Variants in LRRC37A2 observed in about 807,000 individuals in gnomAD.
LRRC37A2 encodes the protein leucine rich repeat containing 37 member A2.
Under a neutral mutation model 68.8 loss-of-function variants are expected in LRRC37A2, and 9 were observed. That is an observed-to-expected ratio of 0.13 (90% confidence interval 0.08 to 0.23). The LOEUF (loss-of-function observed/expected upper bound fraction) is 0.23. LRRC37A2 is among the 10% of genes least tolerant of loss of function. LRRC37A2 has a pLI of 1.00. For synonymous variants in LRRC37A2, 63 were observed against 367.6 expected, an observed-to-expected ratio of 0.17 and a Z score of 9.48; for missense variants, 168 against 950.4, an observed-to-expected ratio of 0.18 and a Z score of 10.82.
chr17:46,818,256 A>G, the LRRC37A2 span, among the ~76,000 whole-genome samples: 15 of 152,034 alleles, frequency 9.9e-5, no homozygotes, highest in African/African-American at 3.4e-4. Context: ...AGGATCTAAG[A>G]ATAAGAAACC....
At chr17:46,861,030 C>G in the LRRC37A2 span, among the ~76,000 whole-genome samples, 1 of 152,094 alleles carries the variant, frequency 6.6e-6, no homozygotes, top group East Asian at 1.9e-4. Context: ...GGCCAGTTAT[C>G]CTCATTTATA....
At chr17:46,945,595 C>G in the LRRC37A2 span, among the ~76,000 whole-genome samples, 4 of 152,174 alleles carry the variant, frequency 2.6e-5, no homozygotes, top group Non-Finnish European at 5.9e-5. Flanking sequence ...CAGAGAGGAA[C>G]AGGCGTGGGC....
the LRRC37A2 span, chr17:47,019,124 A>G: frequency 7.9e-7 from 1 of 1,268,618 alleles, no homozygotes; most frequent in Middle Eastern, 2.6e-4. Flanking sequence ...CTGAGGTGAC[A>G]CTTCCACATC....
At chr17:46,769,992 C>T in the LRRC37A2 span, 3 of 1,604,830 alleles carry the variant, frequency 1.9e-6, no homozygotes, top group South Asian at 2.2e-5. Flanking sequence ...GAGCGGGTGA[C>T]GGCGAAGGCC....
At chr17:47,030,088 A>AATC in the LRRC37A2 span, among the ~76,000 whole-genome samples, 28 of 107,140 alleles carry the variant, frequency 2.6e-4, 1 homozygote, top group African/African-American at 7.0e-4. Context: ...TAATAATAAT[A>AATC]ATCATCATCA....
chr17:46,938,777 G>A, the LRRC37A2 span: 4 of 1,613,714 alleles, frequency 2.5e-6, no homozygotes, highest in Non-Finnish European at 3.4e-6. Flanking sequence ...CACGCTCAGT[G>A]GCTGAACAGC....
chr17:47,026,116 C>A, the LRRC37A2 span, among the ~76,000 whole-genome samples: 5 of 151,368 alleles, frequency 3.3e-5, no homozygotes, highest in Non-Finnish European at 7.4e-5. Flanking sequence ...GGAAAAAATG[C>A]CTTCAATTTG....
chr17:46,496,527 C>T, the LRRC37A2 span, among the ~76,000 whole-genome samples: 1 of 145,006 alleles, frequency 6.9e-6, no homozygotes, highest in Non-Finnish European at 1.5e-5. Flanking sequence ...CACTTGAATC[C>T]GGGAGTTGGA....
chr17:46,502,871 TG>T, the LRRC37A2 span, among the ~76,000 whole-genome samples: 5 of 150,794 alleles, frequency 3.3e-5, no homozygotes, highest in Admixed American at 3.3e-4. Flanking sequence ...GTCTCCACTG[TG>T]ACTCATGTTA....
the LRRC37A2 span, among the ~76,000 whole-genome samples, chr17:46,807,602 G>A: frequency 6.6e-6 from 1 of 152,174 alleles, no homozygotes; most frequent in South Asian, 2.1e-4. Flanking sequence ...TTTTTAATTC[G>A]CATGTGCCTT....
At chr17:46,889,185 T>A in the LRRC37A2 span, among the ~76,000 whole-genome samples, 5 of 152,110 alleles carry the variant, frequency 3.3e-5, no homozygotes, top group African/African-American at 4.8e-5. Context: ...AAAATCTGAT[T>A]TCCAGGGGGG....
chr17:46,534,691 G>A (rs1370331503), intron 6 of LRRC37A2, among the ~76,000 whole-genome samples: 7 of 149,846 alleles, frequency 4.7e-5, no homozygotes, highest in Admixed American at 6.6e-5. Context: ...ATCATGGCCC[G>A]TTCTCAATGA....
chr17:46,939,164 G>C, the LRRC37A2 span: 1 of 1,105,294 alleles, frequency 9.0e-7, no homozygotes, highest in Non-Finnish European at 1.1e-6. Flanking sequence ...GCTCCTGATA[G>C]GGTGGAGCAA....
the LRRC37A2 span, among the ~76,000 whole-genome samples, chr17:46,982,835 C>T: frequency 8.6e-4 from 131 of 152,308 alleles, no homozygotes; most frequent in South Asian, 2.1e-3. Flanking sequence ...GTAAGGGAGG[C>T]AGCCACTGTC....
the LRRC37A2 span, chr17:46,768,715 G>A: frequency 6.2e-7 from 1 of 1,614,118 alleles, no homozygotes; most frequent in Non-Finnish European, 8.5e-7. The surrounding 1 kb of genome is among the most constrained non-coding windows in gnomAD (Gnocchi z 5.0). Flanking sequence ...CGGAAGTCAG[G>A]CTGCGCCCAC....
the LRRC37A2 span, among the ~76,000 whole-genome samples, chr17:47,035,876 C>T: frequency 1.3e-5 from 2 of 152,120 alleles, no homozygotes; most frequent in African/African-American, 4.8e-5. Context: ...TAGTATCTCG[C>T]TGCAGTTTTT....
the LRRC37A2 span, among the ~76,000 whole-genome samples, chr17:46,808,733 G>A: frequency 4.6e-5 from 7 of 152,080 alleles, no homozygotes; most frequent in African/African-American, 1.2e-4. Flanking sequence ...CTTAAGCATC[G>A]TGTGAACTGG....
At chr17:46,492,582 GT>G in the LRRC37A2 span, among the ~76,000 whole-genome samples, 1 of 149,340 alleles carries the variant, frequency 6.7e-6, no homozygotes, top group Non-Finnish European at 1.5e-5. Context: ...TGCCAAAACT[GT>G]TTTCCAAAGT....
chr17:47,021,467 C>A, the LRRC37A2 span: 1 of 263,960 alleles, frequency 3.8e-6, no homozygotes, highest in Non-Finnish European at 6.6e-6. Context: ...TCTTTCTTCT[C>A]ATTTGTTGAT....
Sources: gnomAD v4.1 joint callset for allele counts (sites outside exome capture counted in the v4.1 genomes callset) on GRCh38, gnomAD v4.1.1 for gene constraint, Gnocchi (gnomAD v3.1) non-coding constraint, MANE v1.5 for transcripts, NCBI Gene and HGNC (gene_info 2026-07-23, HGNC 2026-07-21) for gene names.